HTRA1: variants seen among roughly 807,000 people sequenced by gnomAD.
HTRA1 encodes the protein serine protease HTRA1.
A neutral mutation model predicts 49.7 loss-of-function variants in HTRA1; 26 were observed. That is an observed-to-expected ratio of 0.52 (90% CI 0.38 to 0.73). The LOEUF (loss-of-function observed/expected upper bound fraction) is 0.73. HTRA1 is among the 30% of genes least tolerant of loss of function. The pLI, the probability that HTRA1 is intolerant of heterozygous loss-of-function variation, is 0.00. For synonymous variants in HTRA1, 291 were observed against 286.9 expected (o/e 1.01, Z -0.14); for missense variants, 561 against 667.2 (o/e 0.84, Z 1.75).
At chr10:122,480,005 C>G (rs530342922) in intron 1 of HTRA1, among the ~76,000 whole-genome samples, 1 of 152,076 alleles carries the variant, frequency 6.6e-6, no homozygotes, top group South Asian at 2.1e-4. Flanking sequence ...AGCTGGGAGA[C>G]GGAAACGCAG....
chr10:122,478,023 A>G (rs2097489411), intron 1 of HTRA1, among the ~76,000 whole-genome samples: 1 of 152,184 alleles, frequency 6.6e-6, no homozygotes, highest in South Asian at 2.1e-4. Flanking sequence ...GTGAGCAGAC[A>G]CTGGCCCAAT....
chr10:122,502,419 A>G (rs2133446330), intron 3 of HTRA1, among the ~76,000 whole-genome samples: 1 of 152,316 alleles, frequency 6.6e-6, no homozygotes, highest in East Asian at 1.9e-4. Context: ...CATCCTGCCT[A>G]TGGCTAGGAC....
intron 7 of HTRA1, among the ~76,000 whole-genome samples, chr10:122,511,068 A>G (rs922678287): frequency 7.9e-5 from 12 of 152,256 alleles, no homozygotes; most frequent in Non-Finnish European, 1.6e-4. Context: ...CTTGGGAACG[A>G]TATGACCCCT....
intron 6 of HTRA1, among the ~76,000 whole-genome samples, chr10:122,509,775 G>C (rs536907934): frequency 6.6e-6 from 1 of 152,186 alleles, no homozygotes; most frequent in Non-Finnish European, 1.5e-5. Context: ...AGACAAGGGT[G>C]GTGGCAGTGG....
chr10:122,495,745 G>A (rs1391977734), intron 3 of HTRA1, among the ~76,000 whole-genome samples: 1 of 152,192 alleles, frequency 6.6e-6, no homozygotes, highest in Non-Finnish European at 1.5e-5. Context: ...TTCCCAAGTT[G>A]TTGGGACTGG....
At chr10:122,476,075 C>T (rs902277395) in intron 1 of HTRA1, among the ~76,000 whole-genome samples, 1 of 152,190 alleles carries the variant, frequency 6.6e-6, no homozygotes. Flanking sequence ...CAGGAGGCCC[C>T]CTCCCCTTTC....
At chr10:122,502,304 T>A (rs1255174840) in intron 3 of HTRA1, among the ~76,000 whole-genome samples, 1 of 152,222 alleles carries the variant, frequency 6.6e-6, no homozygotes, top group Non-Finnish European at 1.5e-5. Context: ...ATGCTGCTTG[T>A]TGTTGTCTGT....
intron 2 of HTRA1, 21 bp from the exon 3 acceptor site, chr10:122,489,401 G>T: frequency 6.2e-7 from 1 of 1,610,578 alleles, no homozygotes; most frequent in Non-Finnish European, 8.5e-7. Context: ...AGGCTTAAGT[G>T]TGTACTCCTT....
intron 1 of HTRA1, among the ~76,000 whole-genome samples, chr10:122,474,927 A>G (rs530325577): frequency 6.6e-6 from 1 of 152,318 alleles, no homozygotes; most frequent in South Asian, 2.1e-4. Context: ...GTGATTTTCA[A>G]TGACAGGCGC....
At chr10:122,477,851 A>G (rs1409078002) in intron 1 of HTRA1, among the ~76,000 whole-genome samples, 1 of 152,204 alleles carries the variant, frequency 6.6e-6, no homozygotes, top group Non-Finnish European at 1.5e-5. Context: ...CAACCTCTGC[A>G]TGATGCATTT....
rs1312886444 is a variant in HTRA1, at chr10:122,461,679, C to G, written c.27C>G (p.Leu9=). The change falls in exon 1 of 9, where the codon CTC becomes CTG. Residue 9 remains leucine, a synonymous_variant. Transcript: ENST00000368984. ...TGCAGATCCCGCGCGCCGCTCTTCTCCCGCTGCTGCTGCTGCTGCTGGCGG... is the reference window on the plus strand; with the variant it reads ...TGCAGATCCCGCGCGCCGCTCTTCTGCCGCTGCTGCTGCTGCTGCTGGCGG... The part of the protein sequence containing the change: MQIPRAAL[L]PLLLLLLAAP... 3.0e-6 allele frequency: 4 copies of G among 1,314,848 alleles called. No homozygotes were observed. The highest frequency in any genetic ancestry group is 3.9e-6 in the Non-Finnish European group (4 of 1,017,154). The allele number at this position is 1,314,848 out of a possible 1,614,324, so 81.4% of individuals were successfully genotyped here.
chr10:122,496,207 G>C (rs774531151), intron 3 of HTRA1, among the ~76,000 whole-genome samples: 5 of 105,338 alleles, frequency 4.7e-5, no homozygotes, highest in African/African-American at 1.9e-4. Context: ...TTGCCCTTTC[G>C]TTTGCCAGAG....
intron 1 of HTRA1, among the ~76,000 whole-genome samples, chr10:122,473,053 C>A (rs1384861501): frequency 6.6e-6 from 1 of 152,198 alleles, no homozygotes; most frequent in African/African-American, 2.4e-5. Flanking sequence ...AAACCCCAGC[C>A]ATTCTGCTCA....
In HTRA1 at chr10:122,464,571, C is replaced by T. The variant is rs11200640; in HGVS notation, c.472+2447C>T. ...GAATAAATGAATGAATGAAGACAAA[C>T]GGGAGGTGCTTGCGATACACAGCCA... On this transcript the variant is annotated intron_variant, in intron 1 of 8. Transcript: ENST00000368984. This position sits in a 1 kb window ranked among gnomAD's most constrained non-coding sequence, Gnocchi z 4.8. Among the ~76,000 whole-genome samples, 5 of 152,136 alleles carry T rather than the reference C, an allele frequency of 3.3e-5. No individual in the cohort carries two copies. Among genetic ancestry groups the T allele is most frequent in the Non-Finnish European group, 5.9e-5 (4 of 68,024 alleles).
rs144092818 is a variant in HTRA1 at position 122,495,658 on chromosome 10, T to C, written c.777+6032T>C. Among the ~76,000 whole-genome samples, 337 of 152,306 alleles carry C rather than the reference T, an allele frequency of 2.2e-3. 4 individuals are homozygous for C. The highest frequency in any genetic ancestry group is 7.7e-3 in the African/African-American group (322 of 41,560). ...TGGCTATATTTTTCTCTTAATATGG[T>C]AATGCCTTTTTTCACTCTGGCACTC... On this transcript the variant is annotated intron_variant, in intron 3 of 8. Transcript: ENST00000368984.
chr10:122,470,978 C>A (rs977854368), intron 1 of HTRA1, among the ~76,000 whole-genome samples: 2 of 152,178 alleles, frequency 1.3e-5, no homozygotes, highest in Non-Finnish European at 2.9e-5. Flanking sequence ...TCACTACCAT[C>A]ATGTCCAAGG....
intron 3 of HTRA1, 63 bp downstream of exon 3, chr10:122,489,689 C>T: frequency 6.9e-7 from 1 of 1,445,666 alleles, no homozygotes; most frequent in Non-Finnish European, 9.6e-7. Flanking sequence ...TTGGCAAAGG[C>T]ACCAGAGCTC....
intron 1 of HTRA1, among the ~76,000 whole-genome samples, chr10:122,463,695 C>A (rs2097482597): frequency 6.6e-6 from 1 of 152,210 alleles, no homozygotes; most frequent in Admixed American, 6.5e-5. Context: ...GATAGCGGAG[C>A]TAAGGTTGAA....
Position 122,479,254 on chromosome 10 carries a change from G to A in HTRA1, c.473-9648G>A, listed in dbSNP as rs78753957. 2.5e-3 allele frequency among the ~76,000 whole-genome samples: 388 copies of A among 152,338 alleles called. 2 individuals carry two copies. Among genetic ancestry groups the A allele is most frequent in the African/African-American group, 8.1e-3 (338 of 41,582 alleles). On this transcript the variant is annotated intron_variant, in intron 1 of 8. Transcript: ENST00000368984. Reference sequence around the variant, plus strand: ...GTGTGAAGCATGTTCCCACAATGGTGTGGGCTGCGGGGGGCTGGAGGCTGG... The same window carrying A: ...GTGTGAAGCATGTTCCCACAATGGTATGGGCTGCGGGGGGCTGGAGGCTGG...
Sources: gnomAD v4.1 joint callset for allele counts (sites outside exome capture counted in the v4.1 genomes callset) on GRCh38, gnomAD v4.1.1 for gene constraint, Gnocchi (gnomAD v3.1) non-coding constraint, MANE v1.5 for transcripts, NCBI Gene and HGNC (gene_info 2026-07-23, HGNC 2026-07-21) for gene names.